RFPL2: variants seen among roughly 807,000 people sequenced by gnomAD.
The protein encoded by RFPL2 is ret finger protein-like 2.
RFPL2 carries 13 observed loss-of-function variants against 17.8 expected under a neutral mutation model. The observed-to-expected ratio is 0.73, with a 90% confidence interval of 0.47 to 1.16. The LOEUF (loss-of-function observed/expected upper bound fraction) is 1.16, where lower values mean the gene tolerates loss of function less well. RFPL2 is among the 50% of genes most tolerant of loss of function. The pLI, the probability that RFPL2 is intolerant of heterozygous loss-of-function variation, is 0.00. For missense variants in RFPL2, 431 were observed against 479.3 expected (o/e 0.90, Z 0.94); for synonymous variants, 189 against 180.9 (o/e 1.04, Z -0.36).
intron 1 of RFPL2, chr22:32,203,221 A>T (rs888213226): frequency 1.0e-4 from 42 of 405,798 alleles, no homozygotes; most frequent in African/African-American, 8.9e-4. Context: ...ATAACTCCCC[A>T]AACCCGCTCT....
intron 1 of RFPL2, among the ~76,000 whole-genome samples, chr22:32,204,060 C>T (rs1006662650): frequency 2.6e-5 from 4 of 151,028 alleles, no homozygotes; most frequent in Non-Finnish European, 5.9e-5. Flanking sequence ...CCCCAAATAG[C>T]GCACCCAATC....
chr22:32,194,243 T>C (rs1923069124), intron 3 of RFPL2, 102 bp downstream of exon 3: 1 of 1,380,030 alleles, frequency 7.2e-7, no homozygotes. Context: ...ACGGCCTTTG[T>C]TGAATTCATT....
At chr22:32,202,984 C>T in intron 1 of RFPL2, 1 of 985,854 alleles carries the variant, frequency 1.0e-6, no homozygotes, top group Non-Finnish European at 1.2e-6. Context: ...GCCCCTGCCG[C>T]GCTCAGGAAA....
At chr22:32,194,575 G>A in intron 2 of RFPL2, 85 bp from the exon 3 acceptor site, 1 of 1,361,792 alleles carries the variant, frequency 7.3e-7, no homozygotes, top group Non-Finnish European at 1.0e-6. Flanking sequence ...CCTTCATCCT[G>A]ACAGTGTATT....
At chr22:32,199,527 A>G (rs1417897500) in intron 2 of RFPL2, among the ~76,000 whole-genome samples, 1 of 152,136 alleles carries the variant, frequency 6.6e-6, no homozygotes, top group Admixed American at 6.5e-5. Context: ...CTCTCTCCCA[A>G]CCCAGAGCAG....
At chr22:32,204,360 G>A (rs1268556002) in intron 1 of RFPL2, among the ~76,000 whole-genome samples, 1 of 152,112 alleles carries the variant, frequency 6.6e-6, no homozygotes, top group Non-Finnish European at 1.5e-5. Flanking sequence ...CCGCGGCTGC[G>A]GGAAATGACG....
intron 4 of RFPL2, among the ~76,000 whole-genome samples, chr22:32,192,204 G>A (rs1922734113): frequency 6.6e-6 from 1 of 152,130 alleles, no homozygotes; most frequent in African/African-American, 2.4e-5. Flanking sequence ...CCAGTGTCGG[G>A]GACATCATAG....
At chr22:32,202,251 T>A (rs1923993884) in intron 2 of RFPL2, 82 bp downstream of exon 2, 2 of 1,521,006 alleles carry the variant, frequency 1.3e-6, no homozygotes, top group Admixed American at 2.0e-5. Flanking sequence ...CTCCTCTCAC[T>A]GTGACCCTCC....
Position 32,203,944 on chromosome 22 carries a change from GC to G in RFPL2, c.-100+762del, listed in dbSNP as rs1924255537. Among the ~76,000 whole-genome samples the G allele has an allele frequency of 2.1e-5, 3 of 145,686 alleles. No individual in the cohort carries two copies. The Admixed American group carries it at 2.1e-4, about 10-fold the overall frequency. ...TACATGCGGTGTAGCCAACGATGGCGCCCCCATCTCCCCCTCGCCTCGGGCA... is the reference window on the plus strand; with the variant it reads ...TACATGCGGTGTAGCCAACGATGGCGCCCCATCTCCCCCTCGCCTCGGGCA... On this transcript the variant is annotated intron_variant, in intron 1 of 4. Transcript: ENST00000652607.
At position 32,202,552 on chromosome 22, in the gene RFPL2, T is replaced by G. The variant is rs545440054; in HGVS notation, c.-99-2A>C. The G allele has an allele frequency of 4.6e-6, 7 of 1,516,092 alleles. No individual in the cohort carries two copies. The East Asian group carries it at 1.5e-4, about 32-fold the overall frequency. The allele number at this position is 1,516,092 out of a possible 1,614,324, so 93.9% of individuals were successfully genotyped here. ...CCGGGCAGACAAAGCCAGAAAAGCC[T>G]AGAACAGGATGCAGAGTGGTAACAT... is the stretch of plus-strand genomic sequence containing the variant. On this transcript the variant is annotated splice_acceptor_variant, in intron 1 of 4. Transcript: ENST00000652607. LOFTEE classifies it low-confidence loss of function (5UTR_SPLICE).
intron 3 of RFPL2, 116 bp downstream of exon 3, chr22:32,194,229 T>A: frequency 8.1e-7 from 1 of 1,239,460 alleles, no homozygotes; most frequent in Non-Finnish European, 1.1e-6. Context: ...GAGGCAGCAC[T>A]CAGACGGCCT....
chr22:32,197,860 C>T (rs1156369298), intron 2 of RFPL2, among the ~76,000 whole-genome samples: 1 of 152,194 alleles, frequency 6.6e-6, no homozygotes, highest in Non-Finnish European at 1.5e-5. Flanking sequence ...CCGGCTGCTA[C>T]TTACATAGTC....
chr22:32,195,374 A>G (rs1309721934), intron 2 of RFPL2, among the ~76,000 whole-genome samples: 1 of 152,166 alleles, frequency 6.6e-6, no homozygotes, highest in Non-Finnish European at 1.5e-5. Context: ...GTACATATTT[A>G]TGGCACACAG....
At chr22:32,200,682 A>G (rs1372664630) in intron 2 of RFPL2, among the ~76,000 whole-genome samples, 2 of 151,958 alleles carry the variant, frequency 1.3e-5, no homozygotes, top group African/African-American at 2.4e-5. Context: ...ACCTTGGTCA[A>G]GACTGTCTAC....
At chr22:32,201,833 T>C (rs1305595278) in intron 2 of RFPL2, among the ~76,000 whole-genome samples, 2 of 152,180 alleles carry the variant, frequency 1.3e-5, no homozygotes, top group African/African-American at 4.8e-5. Context: ...CCTGTGTCAC[T>C]GTGGGTGGGG....
rs187570702 is a variant in RFPL2, at chr22:32,202,817, C to A, written c.-99-267G>T. On this transcript the variant is annotated intron_variant, in intron 1 of 4. Coordinates refer to ENST00000652607, the MANE Select transcript of RFPL2 (RefSeq NM_001394555.1). ...CAGCAGAAACTCAACCCCAGCCAGC[C>A]CTCCCCACCCAAGTGCCGGTTCCCG... The A allele has an allele frequency of 9.0e-3, 9,532 of 1,063,592 alleles. 74 individuals are homozygous for A. Among genetic ancestry groups the A allele is most frequent in the South Asian group, 0.031 (943 of 30,638 alleles). The allele number at this position is 1,063,592 out of a possible 1,614,324, so 65.9% of individuals were successfully genotyped here.
At chr22:32,192,164 T>C (rs893477816) in intron 4 of RFPL2, among the ~76,000 whole-genome samples, 8 of 151,902 alleles carry the variant, frequency 5.3e-5, no homozygotes, top group Admixed American at 3.9e-4. Flanking sequence ...GGTGGAAGAG[T>C]AGAGATCGTG....
intron 4 of RFPL2, among the ~76,000 whole-genome samples, chr22:32,192,695 G>T (rs1922806818): frequency 6.6e-6 from 1 of 152,188 alleles, no homozygotes; most frequent in Admixed American, 6.5e-5. Flanking sequence ...TCTAACCCAT[G>T]ACATAGACAT....
At chr22:32,198,901 C>T (rs1037893644) in intron 2 of RFPL2, among the ~76,000 whole-genome samples, 29 of 152,168 alleles carry the variant, frequency 1.9e-4, no homozygotes, top group Non-Finnish European at 3.1e-4. Flanking sequence ...TGTCCTCCCC[C>T]GTCTGGGCTT....
Sources: gnomAD v4.1 joint callset for allele counts (sites outside exome capture counted in the v4.1 genomes callset) on GRCh38, gnomAD v4.1.1 for gene constraint, MANE v1.5 for transcripts, NCBI Gene and HGNC (gene_info 2026-07-23, HGNC 2026-07-21) for gene names.